DDX60L: variants seen among roughly 807,000 people sequenced by gnomAD.
DDX60L encodes the protein DExD/H-box 60 like, also known as probable ATP-dependent RNA helicase DDX60-like.
Under a neutral mutation model 211.6 loss-of-function variants are expected in DDX60L, and 191 were observed. The observed-to-expected ratio is 0.90, with a 90% confidence interval of 0.80 to 1.02. DDX60L has a LOEUF of 1.02. Among genes scored for constraint, DDX60L ranks in the 50% least tolerant of loss-of-function variants. The pLI, the probability that DDX60L is intolerant of heterozygous loss-of-function variation, is 0.00. For missense variants in DDX60L, 2,007 were observed against 1,984.1 expected, an observed-to-expected ratio of 1.01 and a Z score of -0.22; for synonymous variants, 706 against 694.1, an observed-to-expected ratio of 1.02 and a Z score of -0.27.
chr4:168,403,494 C>T (rs1168109097), intron 25 of DDX60L, among the ~76,000 whole-genome samples: 4 of 152,190 alleles, frequency 2.6e-5, no homozygotes, highest in South Asian at 2.1e-4. Flanking sequence ...TGTCCCACTT[C>T]GGTTCTCCTA....
chr4:168,369,002 T>C (rs951088152), intron 36 of DDX60L, among the ~76,000 whole-genome samples: 1 of 152,170 alleles, frequency 6.6e-6, no homozygotes, highest in East Asian at 1.9e-4. Flanking sequence ...AGATAAGACA[T>C]TGTACAGTAG....
rs1738429983 is a variant in DDX60L at position 168,358,085 on chromosome 4, T to C, written c.*62A>G. 3 of 1,456,304 alleles carry C rather than the reference T, an allele frequency of 2.1e-6. No homozygotes were observed. Among genetic ancestry groups the C allele is most frequent in the Admixed American group, 4.0e-5 (2 of 50,534 alleles). 90.2% of individuals were successfully genotyped at this position (1,456,304 alleles called of 1,614,324 possible). A position where few individuals can be genotyped will look rare whatever the true frequency, so the allele number is the denominator to read the frequency against. Reference sequence around the variant, plus strand: ...TTTCCATTTCATTGTGTAAGCTTAATTATATCTCTCCTTGCAAAGGGATAA... The same window carrying C: ...TTTCCATTTCATTGTGTAAGCTTAACTATATCTCTCCTTGCAAAGGGATAA... On this transcript the variant is annotated 3_prime_UTR_variant, in exon 38 of 38. Transcript: ENST00000682922.
intron 18 of DDX60L, among the ~76,000 whole-genome samples, chr4:168,419,721 G>A (rs553988141): frequency 1.3e-5 from 2 of 152,280 alleles, no homozygotes; most frequent in South Asian, 2.1e-4. Context: ...ATCTTTTTGA[G>A]ACAAGGTTTT....
intron 13 of DDX60L, among the ~76,000 whole-genome samples, chr4:168,429,400 T>C (rs760189882): frequency 3.9e-5 from 6 of 152,194 alleles, no homozygotes; most frequent in Non-Finnish European, 8.8e-5. Flanking sequence ...TCCGCCCACC[T>C]TGGCCTCCCA....
At chr4:168,431,438 T>C (rs1272232189) in intron 12 of DDX60L, among the ~76,000 whole-genome samples, 2 of 152,030 alleles carry the variant, frequency 1.3e-5, no homozygotes, top group African/African-American at 4.8e-5. Flanking sequence ...TATTCCTATA[T>C]GCAATTGGCA....
At chr4:168,467,629 A>T (rs1037982711) in intron 4 of DDX60L, among the ~76,000 whole-genome samples, 1 of 152,160 alleles carries the variant, frequency 6.6e-6, no homozygotes, top group African/African-American at 2.4e-5. Context: ...GATAAAACAG[A>T]AAGTCTAAAT....
intron 26 of DDX60L, among the ~76,000 whole-genome samples, chr4:168,396,919 C>T (rs1017047731): frequency 1.3e-5 from 2 of 152,150 alleles, no homozygotes; most frequent in Non-Finnish European, 2.9e-5. Context: ...AATGTTTGTG[C>T]CCCCTCAAAA....
intron 33 of DDX60L, among the ~76,000 whole-genome samples, chr4:168,376,060 T>C (rs1224880255): frequency 6.6e-6 from 1 of 152,218 alleles, no homozygotes; most frequent in African/African-American, 2.4e-5. Context: ...GATAGAGAAG[T>C]AGCTGGTATT....
In DDX60L at chr4:168,422,591, T is replaced by G; in HGVS notation, c.2177A>C (p.Tyr726Ser). ...ARFQLQYMGH[Y>S]LIRDERKDRD... The stretch of plus-strand genomic sequence containing the variant: ...ATCTTTTCTTTCATCTCTTATCAAG[T>G]AATGGCCCATGTATTGCAGTTGAAA... The change falls in exon 16 of 38, where the codon TAC (tyrosine) becomes TCC (serine). Residue 726 changes from tyrosine (Y) to serine (S), a missense_variant. Physicochemically the swap from Tyr to Ser is moderately radical, Grantham distance 144. Coordinates refer to ENST00000682922, the MANE Select transcript of DDX60L (RefSeq NM_001012967.3). The G allele has an allele frequency of 6.2e-7, 1 of 1,613,730 alleles. No homozygotes were observed. Among genetic ancestry groups the G allele is most frequent in the Non-Finnish European group, 8.5e-7 (1 of 1,179,788 alleles).
chr4:168,415,731 T>A lies in DDX60L; in HGVS notation c.2795A>T (p.Glu932Val). 6.2e-7 allele frequency: 1 copy of A among 1,600,190 alleles called. No homozygotes were observed. Among genetic ancestry groups the A allele is most frequent in the Non-Finnish European group, 8.5e-7 (1 of 1,172,302 alleles). The change falls in exon 21 of 38, where the codon GAA becomes GTA. Residue 932 changes from glutamate (E) to valine (V), a missense_variant. By Grantham distance (121) the Glu-to-Val change is moderately radical. Coordinates refer to ENST00000682922, the MANE Select transcript of DDX60L (RefSeq NM_001012967.3). ...DKIMEEKCIS[E>V]KQADKCLNFL... Reference sequence around the variant, plus strand: ...GTTGAGACATTTGTCAGCCTGTTTTTCAGAAATACATTTCTCTTCCATAAT... The same window carrying A: ...GTTGAGACATTTGTCAGCCTGTTTTACAGAAATACATTTCTCTTCCATAAT...
At chr4:168,379,238 T>C in intron 32 of DDX60L, 125 bp downstream of exon 32, 1 of 851,636 alleles carries the variant, frequency 1.2e-6, no homozygotes, top group Non-Finnish European at 1.7e-6. Context: ...AATCTGAACA[T>C]ATACTTAGTA....
At position 168,456,135 on chromosome 4, in the gene DDX60L, A is replaced by G. The variant is rs565008548; in HGVS notation, c.741T>C (p.Phe247=). Residue 247 remains phenylalanine, a synonymous_variant, in exon 7 of 38, where the codon TTT becomes TTC. Coordinates refer to ENST00000682922, the MANE Select transcript of DDX60L (RefSeq NM_001012967.3). ...CTTCTGACCATAGGTGCTGAAGCAG[A>G]AATAGAGTCTGATACGCCTATCAAA... The part of the protein sequence containing the change: ...DMMEEAYQTL[F]LLQHLWSEGS... The G allele has an allele frequency of 7.0e-6, 11 of 1,578,954 alleles. No individual in the cohort carries two copies. In the African/African-American group the frequency reaches 1.4e-4, roughly 20 times the overall value.
At chr4:168,384,502 A>T (rs528442765) in intron 30 of DDX60L, 110 bp downstream of exon 30, 60 of 1,389,122 alleles carry the variant, frequency 4.3e-5, no homozygotes, top group Non-Finnish European at 5.4e-5. Context: ...CAATCAAACA[A>T]AAAGAAAGTT....
At chr4:168,437,823 TGG>T (rs1753259217) in intron 10 of DDX60L, among the ~76,000 whole-genome samples, 1 of 151,958 alleles carries the variant, frequency 6.6e-6, no homozygotes, top group Non-Finnish European at 1.5e-5. Flanking sequence ...AGCAGACTCC[TGG>T]TCTTCACTTA....
At chr4:168,410,078 AG>A (rs774674864) in intron 22 of DDX60L, among the ~76,000 whole-genome samples, 1 of 152,190 alleles carries the variant, frequency 6.6e-6, no homozygotes, top group Non-Finnish European at 1.5e-5. Flanking sequence ...AAGGTAATCC[AG>A]GGGTGAAAAA....
chr4:168,420,463 TACACACACACACACACAC>T lies in DDX60L; in HGVS notation c.2395-101_2395-84del, dbSNP rs10598232. 16 of 459,562 alleles carry T rather than the reference TACACACACACACACACAC, an allele frequency of 3.5e-5. No homozygotes were observed. The Admixed American group carries it at 3.5e-4, about 10-fold the overall frequency. 28.5% of individuals were successfully genotyped at this position (459,562 alleles called of 1,614,324 possible). On this transcript the variant is annotated intron_variant, in intron 17 of 37. Coordinates refer to ENST00000682922, the MANE Select transcript of DDX60L (RefSeq NM_001012967.3). ...TTGAGGACAACCGAATCCATACACA[TACACACACACACACACAC>T]ACACACACACACACACACACACACT...
At chr4:168,456,004 G>A (rs1215882800) in intron 7 of DDX60L, 35 bp downstream of exon 7, 1 of 1,441,650 alleles carries the variant, frequency 6.9e-7, no homozygotes, top group Middle Eastern at 1.7e-4. Context: ...ATGAATGACA[G>A]CTTTCTGCCT....
At chr4:168,464,438 A>T (rs1479123690) in intron 4 of DDX60L, among the ~76,000 whole-genome samples, 3 of 72,668 alleles carry the variant, frequency 4.1e-5, no homozygotes, top group African/African-American at 5.4e-5. Context: ...TGACTTTATA[A>T]TTGTATTTTT....
At chr4:168,468,534 T>C (rs1431413001) in intron 4 of DDX60L, among the ~76,000 whole-genome samples, 1 of 152,190 alleles carries the variant, frequency 6.6e-6, no homozygotes, top group African/African-American at 2.4e-5. Context: ...ACAGCTAATA[T>C]GATACCTAGT....
Sources: allele counts gnomAD v4.1 joint callset (sites outside exome capture counted in the v4.1 genomes callset), GRCh38; gene constraint gnomAD v4.1.1; transcripts MANE v1.5; gene names NCBI Gene and HGNC (gene_info 2026-07-23, HGNC 2026-07-21).